Variants in GPC5 observed in about 807,000 individuals in gnomAD.
GPC5 encodes the protein glypican-5.
Under a neutral mutation model 53.9 loss-of-function variants are expected in GPC5, and 47 were observed. The observed-to-expected ratio is 0.87, with a 90% confidence interval of 0.69 to 1.11. The LOEUF (loss-of-function observed/expected upper bound fraction) is 1.11. GPC5 is among the 50% of genes most tolerant of loss of function. The pLI, the probability that GPC5 is intolerant of heterozygous loss-of-function variation, is 0.00. For missense variants in GPC5, 748 were observed against 713.1 expected, an observed-to-expected ratio of 1.05 and a Z score of -0.56; for synonymous variants, 286 against 263.3, an observed-to-expected ratio of 1.09 and a Z score of -0.84.
chr13:92,195,274 C>T (rs2139052815), intron 7 of GPC5, among the ~76,000 whole-genome samples: 1 of 152,186 alleles, frequency 6.6e-6, no homozygotes, highest in South Asian at 2.1e-4. Context: ...GTGCCTAAAA[C>T]TAAACAAGAC....
chr13:91,621,151 G>T (rs111902497), intron 2 of GPC5, among the ~76,000 whole-genome samples: 3 of 152,056 alleles, frequency 2.0e-5, no homozygotes, highest in South Asian at 4.1e-4. Context: ...GTAAAAGGGG[G>T]TTAGAATGAA....
At chr13:91,473,866 A>G (rs1445445302) in intron 2 of GPC5, among the ~76,000 whole-genome samples, 1 of 152,144 alleles carries the variant, frequency 6.6e-6, no homozygotes, top group Non-Finnish European at 1.5e-5. Flanking sequence ...AATTTTATAG[A>G]GTCTGTATAA....
At chr13:91,496,482 A>G (rs1167493023) in intron 2 of GPC5, among the ~76,000 whole-genome samples, 1 of 152,250 alleles carries the variant, frequency 6.6e-6, no homozygotes, top group East Asian at 1.9e-4. Context: ...TTGCAGCAAC[A>G]TGAATGGAAC....
Position 92,030,327 on chromosome 13 carries a change from G to A in GPC5, c.1402-114503G>A, listed in dbSNP as rs73621757. Among the ~76,000 whole-genome samples the A allele has an allele frequency of 9.1e-3, 1,389 of 152,118 alleles. 20 individuals are homozygous for A. The highest frequency in any genetic ancestry group is 0.032 in the African/African-American group (1,333 of 41,494). On this transcript the variant is annotated intron_variant, in intron 6 of 7. Coordinates refer to ENST00000377067, the MANE Select transcript of GPC5 (RefSeq NM_004466.6). ...GTTATGTTCTCCACCACCCTTTCCT[G>A]TTAAGTTCTGTTATGTTCTCCACCA... is the stretch of plus-strand genomic sequence containing the variant.
chr13:92,399,098 C>T (rs1875435316), intron 7 of GPC5, among the ~76,000 whole-genome samples: 1 of 152,194 alleles, frequency 6.6e-6, no homozygotes, highest in African/African-American at 2.4e-5. Flanking sequence ...AGAGCCTACC[C>T]ATTCACATTC....
At chr13:91,637,171 A>G (rs1352609838) in intron 2 of GPC5, among the ~76,000 whole-genome samples, 1 of 152,192 alleles carries the variant, frequency 6.6e-6, no homozygotes, top group Non-Finnish European at 1.5e-5. Flanking sequence ...CAAGGTTTTC[A>G]TAGGAAACCT....
intron 7 of GPC5, among the ~76,000 whole-genome samples, chr13:92,312,157 C>A (rs2043149167): frequency 6.6e-6 from 1 of 152,028 alleles, no homozygotes; most frequent in South Asian, 2.1e-4. Context: ...CTTGGTGAGG[C>A]TAAGTTAGGT....
chr13:92,385,381 C>T (rs1465455839), intron 7 of GPC5, among the ~76,000 whole-genome samples: 9 of 92,992 alleles, frequency 9.7e-5, no homozygotes, highest in East Asian at 3.1e-4. Context: ...TACATATATA[C>T]ATATATATAC....
intron 5 of GPC5, among the ~76,000 whole-genome samples, chr13:91,830,498 A>G (rs1246716201): frequency 2.6e-5 from 4 of 151,894 alleles, no homozygotes; most frequent in Non-Finnish European, 5.9e-5. Context: ...TCACAAGGGT[A>G]TTGATTGGGG....
intron 7 of GPC5, among the ~76,000 whole-genome samples, chr13:92,804,401 A>C (rs1877018809): frequency 6.6e-6 from 1 of 152,014 alleles, no homozygotes; most frequent in Admixed American, 6.6e-5. Flanking sequence ...GTATCACAAT[A>C]AAGTTAGTCA....
intron 4 of GPC5, among the ~76,000 whole-genome samples, chr13:91,738,606 G>A (rs988477614): frequency 1.3e-5 from 2 of 149,334 alleles, no homozygotes; most frequent in African/African-American, 5.0e-5. Context: ...CTCCTTTCTT[G>A]CCTTCTTTTG....
chr13:91,497,440 T>A (rs143964974), intron 2 of GPC5, among the ~76,000 whole-genome samples: 2,564 of 152,282 alleles, frequency 0.017, 86 homozygotes, highest in African/African-American at 0.055. Flanking sequence ...TTGTTGTAAT[T>A]CCCACAGAAG....
intron 7 of GPC5, among the ~76,000 whole-genome samples, chr13:92,535,288 C>G (rs1344983390): frequency 1.3e-5 from 2 of 152,030 alleles, no homozygotes; most frequent in Admixed American, 1.3e-4. Flanking sequence ...TTCATGCACA[C>G]GCTACCAAAA....
chr13:92,535,527 C>T (rs932171070), intron 7 of GPC5, among the ~76,000 whole-genome samples: 1 of 152,040 alleles, frequency 6.6e-6, no homozygotes, highest in Admixed American at 6.6e-5. Flanking sequence ...AGGGTTCTGG[C>T]ATCTCATTGG....
intron 7 of GPC5, among the ~76,000 whole-genome samples, chr13:92,707,112 A>G (rs1887978158): frequency 6.8e-6 from 1 of 146,868 alleles, no homozygotes; most frequent in South Asian, 2.3e-4. Flanking sequence ...TATGACATAC[A>G]TGGCTGCTGT....
chr13:91,547,592 C>T (rs757678147), intron 2 of GPC5, among the ~76,000 whole-genome samples: 3 of 152,040 alleles, frequency 2.0e-5, no homozygotes, highest in Non-Finnish European at 4.4e-5. Context: ...CAATTCTCTA[C>T]AACATCTTTC....
chr13:91,831,231 C>G (rs2038654209), intron 5 of GPC5, among the ~76,000 whole-genome samples: 1 of 151,052 alleles, frequency 6.6e-6, no homozygotes, highest in Non-Finnish European at 1.5e-5. Flanking sequence ...AACTTGGAGT[C>G]TGATGTTGGA....
intron 3 of GPC5, among the ~76,000 whole-genome samples, chr13:91,719,230 G>A (rs547371220): frequency 1.3e-5 from 2 of 152,322 alleles, no homozygotes; most frequent in East Asian, 1.9e-4. Flanking sequence ...TTGCTCTGGT[G>A]AGTCAGCATC....
chr13:92,768,256 T>A (rs895885765), intron 7 of GPC5, among the ~76,000 whole-genome samples: 5 of 152,218 alleles, frequency 3.3e-5, no homozygotes, highest in African/African-American at 1.2e-4. Flanking sequence ...TTGGTGATTA[T>A]TGATATCTTG....
Sources: gnomAD v4.1 joint callset for allele counts (sites outside exome capture counted in the v4.1 genomes callset) on GRCh38, gnomAD v4.1.1 for gene constraint, MANE v1.5 for transcripts, NCBI Gene and HGNC (gene_info 2026-07-23, HGNC 2026-07-21) for gene names.